SPRY3: variants seen among roughly 807,000 people sequenced by gnomAD.
SPRY3 encodes protein sprouty homolog 3.
SPRY3 carries 15 observed loss-of-function variants against 20.2 expected under a neutral mutation model. The observed-to-expected ratio is 0.74, with a 90% CI of 0.50 to 1.14. SPRY3 has a LOEUF of 1.14. Ranked by LOEUF, SPRY3 falls within the 50% of genes most tolerant of loss-of-function variation. SPRY3 has a pLI of 0.00. For synonymous variants in SPRY3, 143 were observed against 136.5 expected (o/e 1.05, Z -0.33); for missense variants, 364 against 363.9 (o/e 1.00, Z 0.00).
chrX:155,774,007 G>A lies in SPRY3; in HGVS notation c.136G>A (p.Val46Met), dbSNP rs765702522. 13 of 1,613,768 alleles carry A rather than the reference G, an allele frequency of 8.1e-6. No individual in the cohort carries two copies. The African/African-American group carries it at 1.3e-4, about 17-fold the overall frequency. Reference sequence around the variant, plus strand: ...GGCCCTCTCCAGCCCTTCCCTTATTGTGCAAACCCACAAGTCTGATTGGTC... The same window carrying A: ...GGCCCTCTCCAGCCCTTCCCTTATTATGCAAACCCACAAGTCTGATTGGTC... Residue 46 changes from valine (V) to methionine (M), a missense_variant, in exon 4 of 4, where the codon GTG (valine) becomes ATG (methionine). By Grantham distance (21) the Val-to-Met change is conservative. Transcript: ENST00000675360.
intron 2 of SPRY3, among the ~76,000 whole-genome samples, chrX:155,724,265 C>T (rs1485473207): frequency 1.7e-4 from 26 of 152,194 alleles, no homozygotes; most frequent in Admixed American, 1.6e-3. Flanking sequence ...CTTGGCTATG[C>T]GGGCTCCTTT....
chrX:155,651,749 G>A (rs2067978135), intron 1 of SPRY3, among the ~76,000 whole-genome samples: 1 of 111,189 alleles, frequency 9.0e-6, no homozygotes, highest in South Asian at 3.8e-4. Flanking sequence ...TATTTATGGG[G>A]TACATGAGAT....
chrX:155,755,532 C>T (rs2091280682), intron 2 of SPRY3, among the ~76,000 whole-genome samples: 2 of 151,932 alleles, frequency 1.3e-5, no homozygotes, highest in African/African-American at 2.4e-5. Context: ...CTCAGTTGCC[C>T]TATTCTAAAA....
intron 3 of SPRY3, among the ~76,000 whole-genome samples, chrX:155,773,470 C>A (rs1036075723): frequency 2.6e-5 from 4 of 151,944 alleles, no homozygotes; most frequent in African/African-American, 9.6e-5. Flanking sequence ...TTGGATGTCT[C>A]TGCTAGCAAA....
intron 2 of SPRY3, among the ~76,000 whole-genome samples, chrX:155,739,973 T>G (rs2091195046): frequency 6.6e-6 from 1 of 152,088 alleles, no homozygotes; most frequent in African/African-American, 2.4e-5. Flanking sequence ...CTGAGATGGC[T>G]AGATTGACAG....
chrX:155,733,992 G>C (rs1321078470), intron 2 of SPRY3, among the ~76,000 whole-genome samples: 1 of 152,084 alleles, frequency 6.6e-6, no homozygotes, highest in Admixed American at 6.6e-5. Context: ...GCTGGTTTCA[G>C]CTATCTAGAC....
intron 2 of SPRY3, among the ~76,000 whole-genome samples, chrX:155,685,306 T>C (rs1319255748): frequency 1.8e-5 from 2 of 111,492 alleles, no homozygotes; most frequent in Admixed American, 1.9e-4. Context: ...TTGGATAATT[T>C]CTATTGCTCT....
At chrX:155,730,274 G>T (rs1236264049) in intron 2 of SPRY3, among the ~76,000 whole-genome samples, 1 of 152,072 alleles carries the variant, frequency 6.6e-6, no homozygotes. Flanking sequence ...GAACATTGAT[G>T]CAAAAATCCT....
intron 2 of SPRY3, among the ~76,000 whole-genome samples, chrX:155,693,031 C>G (rs1289048238): frequency 9.2e-6 from 1 of 108,927 alleles, no homozygotes; most frequent in Non-Finnish European, 1.9e-5. Context: ...TTTCTTTCTT[C>G]TACTCACTTA....
At chrX:155,773,339 T>TAG in intron 3 of SPRY3, among the ~76,000 whole-genome samples, 1 of 145,566 alleles carries the variant, frequency 6.9e-6, no homozygotes, top group South Asian at 2.1e-4. Context: ...TATATATATA[T>TAG]ATGAGCAACT....
At chrX:155,740,862 C>A (rs925767769) in intron 2 of SPRY3, among the ~76,000 whole-genome samples, 8 of 152,082 alleles carry the variant, frequency 5.3e-5, no homozygotes, top group Admixed American at 4.6e-4. Context: ...TAATAAAAAC[C>A]TGCTGGTTTT....
chrX:155,736,475 G>C (rs930661171), intron 2 of SPRY3, among the ~76,000 whole-genome samples: 30 of 151,768 alleles, frequency 2.0e-4, no homozygotes, highest in Admixed American at 1.6e-3. Context: ...CTAGGTTGGT[G>C]GGTTTTTTTC....
intron 2 of SPRY3, among the ~76,000 whole-genome samples, chrX:155,735,066 TA>T (rs912268869): frequency 4.1e-4 from 62 of 151,880 alleles, no homozygotes; most frequent in South Asian, 2.1e-3. Context: ...TTCATTTAAT[TA>T]AAAAAAATTT....
At chrX:155,693,650 C>T (rs141127553) in intron 2 of SPRY3, among the ~76,000 whole-genome samples, 4,328 of 110,615 alleles carry the variant, frequency 0.039, 90 homozygotes, top group Non-Finnish European at 0.053. Context: ...CTTTGAGGCT[C>T]TATTATAGGC....
chrX:155,707,924 GAT>G (rs1414792128), intron 2 of SPRY3, among the ~76,000 whole-genome samples: 1 of 151,090 alleles, frequency 6.6e-6, no homozygotes, highest in Non-Finnish European at 1.5e-5. Context: ...ATTTAATAAA[GAT>G]ATGATTAGAT....
At chrX:155,751,952 ATAAAATAAAATAAAATAAAAT>A (rs1432441849) in intron 2 of SPRY3, among the ~76,000 whole-genome samples, 1 of 146,920 alleles carries the variant, frequency 6.8e-6, no homozygotes, top group African/African-American at 2.5e-5. Flanking sequence ...ATAAAATAAA[ATAAAATAAAATAAAATAAAAT>A]AAAATAAAAT....
At chrX:155,662,801 G>A (rs1272014945) in intron 2 of SPRY3, among the ~76,000 whole-genome samples, 1 of 110,592 alleles carries the variant, frequency 9.0e-6, no homozygotes, top group Non-Finnish European at 1.9e-5. Flanking sequence ...TGCCTGTAAG[G>A]GAGATCAAAA....
At chrX:155,768,587 G>A (rs1224888970) in intron 3 of SPRY3, among the ~76,000 whole-genome samples, 1 of 152,148 alleles carries the variant, frequency 6.6e-6, no homozygotes, top group Non-Finnish European at 1.5e-5. Context: ...TCTGGGCTGT[G>A]CATCGTTCAG....
intron 2 of SPRY3, among the ~76,000 whole-genome samples, chrX:155,758,459 C>T (rs1162984841): frequency 6.6e-6 from 1 of 152,172 alleles, no homozygotes; most frequent in Non-Finnish European, 1.5e-5. Flanking sequence ...TAATTATCTC[C>T]ATCCCCATAG....
Sources: allele counts gnomAD v4.1 joint callset (sites outside exome capture counted in the v4.1 genomes callset), GRCh38; gene constraint gnomAD v4.1.1; transcripts MANE v1.5; gene names NCBI Gene and HGNC (gene_info 2026-07-23, HGNC 2026-07-21).